Variants in ARMC2 observed in about 807,000 individuals in gnomAD.
ARMC2 encodes the protein armadillo repeat-containing protein 2.
In ARMC2, 67 loss-of-function variants were observed where a neutral mutation model predicts 90.3. The observed-to-expected ratio is 0.74, with a 90% confidence interval of 0.61 to 0.91. The LOEUF (loss-of-function observed/expected upper bound fraction) is 0.91. ARMC2 is among the 40% of genes least tolerant of loss of function. The probability of loss-of-function intolerance (pLI) is 0.00; values close to 1 mark genes in which losing one functional copy is unlikely to be tolerated. For synonymous variants in ARMC2, 393 were observed against 393.0 expected (o/e 1.00, Z 0.00); for missense variants, 920 against 1,030.9 (o/e 0.89, Z 1.47).
intron 10 of ARMC2, among the ~76,000 whole-genome samples, chr6:108,915,825 G>C (rs770443488): frequency 7.9e-5 from 12 of 152,148 alleles, no homozygotes; most frequent in Non-Finnish European, 1.2e-4. Context: ...TGCATGGGGG[G>C]ACGAGATGAG....
chr6:108,853,538 T>A (rs567062122), intron 1 of ARMC2, among the ~76,000 whole-genome samples: 1 of 152,262 alleles, frequency 6.6e-6, no homozygotes, highest in Non-Finnish European at 1.5e-5. Context: ...ATTTTAAAAA[T>A]CTGTCCTATT....
the ARMC2 span, among the ~76,000 whole-genome samples, chr6:109,018,346 T>TTGTAAATG: frequency 6.6e-6 from 1 of 152,230 alleles, no homozygotes; most frequent in Non-Finnish European, 1.5e-5. Context: ...TTGAACATTC[T>TTGTAAATG]TGTAAATGTA....
chr6:108,863,398 A>G (rs1280182362), intron 3 of ARMC2, among the ~76,000 whole-genome samples: 1 of 152,124 alleles, frequency 6.6e-6, no homozygotes, highest in South Asian at 2.1e-4. Flanking sequence ...GTTGTCTTTC[A>G]TTAACGTTTA....
At chr6:108,895,802 A>T (rs1771553134) in intron 6 of ARMC2, among the ~76,000 whole-genome samples, 1 of 152,226 alleles carries the variant, frequency 6.6e-6, no homozygotes, top group African/African-American at 2.4e-5. Context: ...TAGTCATAGT[A>T]ACCAGTGGAT....
At chr6:108,965,791 C>T (rs753600360) in intron 17 of ARMC2, among the ~76,000 whole-genome samples, 14 of 151,284 alleles carry the variant, frequency 9.3e-5, no homozygotes, top group Admixed American at 3.3e-4. Flanking sequence ...ACTACAGACA[C>T]GCACCACCAT....
chr6:108,955,254 G>A (rs1777492199), intron 13 of ARMC2, among the ~76,000 whole-genome samples: 1 of 152,156 alleles, frequency 6.6e-6, no homozygotes, highest in African/African-American at 2.4e-5. Flanking sequence ...CCTATATGGT[G>A]GAGGGACATT....
Position 108,974,373 on chromosome 6 carries a change from A to T in ARMC2, c.*859A>T, listed in dbSNP as rs1205990352. The T allele has an allele frequency of 6.6e-6, 1 of 152,242 alleles. No individual in the cohort carries two copies. Among genetic ancestry groups the T allele is most frequent in the Non-Finnish European group, 1.5e-5 (1 of 68,044 alleles). 9.4% of individuals were successfully genotyped at this position (152,242 alleles called of 1,614,324 possible). A position where few individuals can be genotyped will look rare whatever the true frequency, so the allele number is the denominator to read the frequency against. On this transcript the variant is annotated 3_prime_UTR_variant, in exon 18 of 18. Coordinates refer to ENST00000392644, the MANE Select transcript of ARMC2 (RefSeq NM_032131.6). ...GGCAAATGGCCCAGTCCAGTGTATC[A>T]TGTGGAGTGGGTGTTCAAGAACATT...
intron 8 of ARMC2, among the ~76,000 whole-genome samples, chr6:108,906,644 G>A (rs1311618341): frequency 2.0e-5 from 3 of 152,014 alleles, no homozygotes; most frequent in African/African-American, 7.3e-5. Context: ...ACCACACCTG[G>A]CTAATTTTTA....
chr6:108,901,000 G>A (rs910807513), intron 7 of ARMC2, among the ~76,000 whole-genome samples: 1 of 150,788 alleles, frequency 6.6e-6, no homozygotes, highest in African/African-American at 2.4e-5. Context: ...CTGGATAAGG[G>A]TTACACAAGA....
chr6:108,881,329 C>T (rs79785827), intron 5 of ARMC2, among the ~76,000 whole-genome samples: 1,932 of 134,816 alleles, frequency 0.014, 22 homozygotes, highest in Middle Eastern at 0.029. Context: ...CTCCTTCCTT[C>T]CTTCCTTCCA....
At chr6:108,980,113 C>T in the ARMC2 span, among the ~76,000 whole-genome samples, 2 of 152,098 alleles carry the variant, frequency 1.3e-5, no homozygotes, top group African/African-American at 2.4e-5. Context: ...GCTGGTTTCT[C>T]CCCATCTTCG....
the ARMC2 span, among the ~76,000 whole-genome samples, chr6:108,979,789 A>G: frequency 6.6e-6 from 1 of 151,548 alleles, no homozygotes; most frequent in South Asian, 2.1e-4. Flanking sequence ...AGATATGGCT[A>G]TTGATACTTG....
intron 5 of ARMC2, among the ~76,000 whole-genome samples, chr6:108,878,052 C>T (rs1431589068): frequency 6.6e-6 from 1 of 152,068 alleles, no homozygotes; most frequent in East Asian, 1.9e-4. Flanking sequence ...CTCCTTTAAT[C>T]GTTGGGTGGA....
At chr6:108,919,495 A>G (rs1340401438) in intron 10 of ARMC2, among the ~76,000 whole-genome samples, 1 of 151,414 alleles carries the variant, frequency 6.6e-6, no homozygotes, top group African/African-American at 2.4e-5. Context: ...CCATGATTGT[A>G]TTTCCTAAGT....
chr6:108,995,098 G>T, the ARMC2 span, among the ~76,000 whole-genome samples: 1 of 152,132 alleles, frequency 6.6e-6, no homozygotes, highest in African/African-American at 2.4e-5. Flanking sequence ...TAGGAATACA[G>T]ACATGCAGAT....
the ARMC2 span, among the ~76,000 whole-genome samples, chr6:109,025,415 A>G: frequency 1.0e-3 from 157 of 151,918 alleles, no homozygotes; most frequent in African/African-American, 3.4e-3. Context: ...TACAATTCCA[A>G]TGAATATAAG....
intron 5 of ARMC2, among the ~76,000 whole-genome samples, chr6:108,882,493 G>T (rs2478998): frequency 0.78 from 117,647 of 150,656 alleles, 46,208 homozygotes; most frequent in South Asian, 0.85. Flanking sequence ...GAATTTAAAT[G>T]AGAGATTCTA....
At chr6:108,917,071 A>G (rs1774039082) in intron 10 of ARMC2, among the ~76,000 whole-genome samples, 2 of 152,254 alleles carry the variant, frequency 1.3e-5, no homozygotes, top group Admixed American at 1.3e-4. Flanking sequence ...TTGCATGCCT[A>G]TTTTTTGGAT....
Position 108,894,541 on chromosome 6 carries a change from C to T in ARMC2, c.746C>T (p.Ala249Val). 1 of 1,600,738 alleles carries T rather than the reference C, an allele frequency of 6.2e-7. No individual in the cohort carries two copies. Among genetic ancestry groups the T allele is most frequent in the Non-Finnish European group, 8.5e-7 (1 of 1,174,638 alleles). The change falls in exon 6 of 18, where the codon GCA (alanine) becomes GTA (valine). Residue 249 changes from alanine to valine, a missense_variant and splice_region_variant. Physicochemically the swap from Ala to Val is moderately conservative, Grantham distance 64 (BLOSUM62 0). Transcript: ENST00000392644. ...GACCTGAGCAGGCTGCAAACCAAAGCAGGTGAGGGGTCCCCACACTCCTTC... is the reference window on the plus strand; with the variant it reads ...GACCTGAGCAGGCTGCAAACCAAAGTAGGTGAGGGGTCCCCACACTCCTTC... ...SSDLSRLQTK[A>V]VPKADLQEED...
Sources: allele counts gnomAD v4.1 joint callset (sites outside exome capture counted in the v4.1 genomes callset), GRCh38; gene constraint gnomAD v4.1.1; transcripts MANE v1.5; gene names NCBI Gene and HGNC (gene_info 2026-07-23, HGNC 2026-07-21).